The following DNAAF9 variants were observed in gnomAD, a reference collection of about 807,000 sequenced individuals.
DNAAF9 encodes the protein dynein axonemal assembly factor 9, also known as shulin.
In DNAAF9, 90 loss-of-function variants were observed where a neutral mutation model predicts 167.0. The observed-to-expected ratio is 0.54, with a 90% CI of 0.45 to 0.64. The LOEUF (loss-of-function observed/expected upper bound fraction) is 0.64. Among genes scored for constraint, DNAAF9 ranks in the 30% least tolerant of loss-of-function variants. DNAAF9 has a pLI of 0.00. For synonymous variants in DNAAF9, 491 were observed against 508.8 expected, an observed-to-expected ratio of 0.96 and a Z score of 0.47; for missense variants, 1,315 against 1,442.2, an observed-to-expected ratio of 0.91 and a Z score of 1.43.
chr20:3,295,458 C>T (rs141945206), intron 23 of DNAAF9: 6,111 of 297,912 alleles, frequency 0.021, 116 homozygotes, highest in Non-Finnish European at 0.029. Flanking sequence ...GGATTACAGG[C>T]GTGAACCACT....
Position 3,281,751 on chromosome 20 carries a change from A to G in DNAAF9, c.2502T>C (p.Ile834=). ...LVVLQGYTDV[I]DVVQALQTHP... is the part of the protein sequence containing the mutation. ...GGGTCTGCAGGGCCTGGACAACATC[A>G]ATAACATCTGTGTAGCTGGGGAAGG... The change falls in exon 28 of 37, where the codon ATT becomes ATC. Residue 834 remains isoleucine, a synonymous_variant. Coordinates refer to ENST00000252032, the MANE Select transcript of DNAAF9 (RefSeq NM_001009984.3). The G allele has an allele frequency of 6.2e-7, 1 of 1,611,836 alleles. No individual in the cohort carries two copies. The highest frequency in any genetic ancestry group is 8.5e-7 in the Non-Finnish European group (1 of 1,179,148).
At chr20:3,306,437 C>T (rs561578697) in intron 20 of DNAAF9, among the ~76,000 whole-genome samples, 28 of 152,300 alleles carry the variant, frequency 1.8e-4, no homozygotes, top group African/African-American at 6.3e-4. Context: ...ACAGGTTTCA[C>T]GCAGTATTTA....
At chr20:3,307,184 G>A in intron 20 of DNAAF9, 9 of 982,448 alleles carry the variant, frequency 9.2e-6, no homozygotes, top group Non-Finnish European at 1.1e-5. Flanking sequence ...ACTAGACTCT[G>A]AAGCCTCAAA....
intron 16 of DNAAF9, among the ~76,000 whole-genome samples, chr20:3,321,918 T>C (rs140932534): frequency 5.9e-5 from 9 of 152,284 alleles, no homozygotes; most frequent in African/African-American, 2.2e-4. Context: ...CAATCTCAGC[T>C]ACCTGTAGGA....
At chr20:3,327,260 G>A (rs947321387) in intron 12 of DNAAF9, among the ~76,000 whole-genome samples, 4 of 152,078 alleles carry the variant, frequency 2.6e-5, no homozygotes, top group Admixed American at 6.6e-5. Context: ...TAGGATGTTC[G>A]GCAGCACCCC....
intron 6 of DNAAF9, among the ~76,000 whole-genome samples, chr20:3,373,376 T>G (rs907705820): frequency 6.6e-6 from 1 of 152,242 alleles, no homozygotes; most frequent in Admixed American, 6.5e-5. Flanking sequence ...TGGAGGCACA[T>G]GGATACTCGT....
chr20:3,333,444 C>T (rs1250394622), intron 10 of DNAAF9, among the ~76,000 whole-genome samples: 1 of 152,178 alleles, frequency 6.6e-6, no homozygotes, highest in African/African-American at 2.4e-5. Flanking sequence ...CTATTTTACT[C>T]AATTGTTTAA....
intron 11 of DNAAF9, among the ~76,000 whole-genome samples, chr20:3,331,450 C>G (rs951585295): frequency 9.2e-5 from 14 of 152,138 alleles, no homozygotes; most frequent in Non-Finnish European, 1.8e-4. Context: ...GACCTGCGTT[C>G]ATTCCATAGG....
At chr20:3,354,627 C>G (rs933608345) in intron 7 of DNAAF9, among the ~76,000 whole-genome samples, 1 of 152,234 alleles carries the variant, frequency 6.6e-6, no homozygotes, top group African/African-American at 2.4e-5. Flanking sequence ...CTCCTTCTCT[C>G]TCTGTCTAGA....
intron 15 of DNAAF9, 97 bp from the exon 16 acceptor site, chr20:3,322,359 T>C: frequency 2.1e-6 from 2 of 957,366 alleles, no homozygotes; most frequent in Non-Finnish European, 1.7e-6. Context: ...TGACAAGTCA[T>C]AGATTCGGAT....
At chr20:3,334,601 A>G (rs894227891) in intron 10 of DNAAF9, among the ~76,000 whole-genome samples, 3 of 152,204 alleles carry the variant, frequency 2.0e-5, no homozygotes, top group African/African-American at 7.2e-5. Context: ...TGGTAAGGCT[A>G]TATTTAGTTT....
intron 3 of DNAAF9, among the ~76,000 whole-genome samples, chr20:3,380,017 C>T (rs1421717366): frequency 6.6e-6 from 1 of 152,224 alleles, no homozygotes; most frequent in African/African-American, 2.4e-5. Context: ...GATCGCACAA[C>T]TGCACTCCGG....
intron 30 of DNAAF9, among the ~76,000 whole-genome samples, chr20:3,268,575 C>T (rs2068529636): frequency 6.6e-6 from 1 of 152,224 alleles, no homozygotes; most frequent in African/African-American, 2.4e-5. Context: ...GATCTGCCTG[C>T]CTTGGCCTCC....
intron 7 of DNAAF9, among the ~76,000 whole-genome samples, chr20:3,355,863 T>C (rs1034085608): frequency 3.3e-5 from 5 of 152,134 alleles, no homozygotes; most frequent in African/African-American, 9.7e-5. Context: ...TTTCTTTTTA[T>C]TGAGTTTTGA....
At chr20:3,351,834 T>TTTTATTTATTTATTTATTTA (rs3082553) in intron 7 of DNAAF9, among the ~76,000 whole-genome samples, 2 of 146,120 alleles carry the variant, frequency 1.4e-5, no homozygotes, top group African/African-American at 5.1e-5. Flanking sequence ...GTTTGTGTTA[T>TTTTATTTATTTATTTATTTA]TTTATTTATT....
At chr20:3,278,828 AG>A (rs2068716868) in intron 29 of DNAAF9, 83 bp downstream of exon 29, 2 of 996,032 alleles carry the variant, frequency 2.0e-6, no homozygotes, top group Admixed American at 3.4e-5. Context: ...TCAGAATGGT[AG>A]GTAAGAGCAC....
intron 27 of DNAAF9, among the ~76,000 whole-genome samples, chr20:3,282,254 TC>T (rs2068776290): frequency 6.6e-6 from 1 of 152,168 alleles, no homozygotes; most frequent in Non-Finnish European, 1.5e-5. Flanking sequence ...TGGAACTCTC[TC>T]CAAACTCCAA....
chr20:3,331,447 G>A (rs1020803913), intron 11 of DNAAF9, among the ~76,000 whole-genome samples: 8 of 152,156 alleles, frequency 5.3e-5, no homozygotes, highest in East Asian at 1.9e-4. Context: ...TGAGACCTGC[G>A]TTCATTCCAT....
At chr20:3,381,299 T>C (rs549818124) in intron 3 of DNAAF9, 80 bp downstream of exon 3, 6 of 1,200,116 alleles carry the variant, frequency 5.0e-6, no homozygotes, top group East Asian at 2.5e-5. Flanking sequence ...TTTTATTCCA[T>C]AAGAAGACCA....
Sources: allele counts gnomAD v4.1 joint callset (sites outside exome capture counted in the v4.1 genomes callset), GRCh38; gene constraint gnomAD v4.1.1; transcripts MANE v1.5; gene names NCBI Gene and HGNC (gene_info 2026-07-23, HGNC 2026-07-21).